SCLT1: variants seen among roughly 807,000 people sequenced by gnomAD.
SCLT1 encodes the protein sodium channel-associated protein 1.
A neutral mutation model predicts 112.8 loss-of-function variants in SCLT1; 78 were observed. The ratio of observed to expected loss-of-function variants is 0.69; its 90% CI spans 0.58 to 0.83. The LOEUF (loss-of-function observed/expected upper bound fraction) is 0.83, where lower values mean the gene tolerates loss of function less well. Among genes scored for constraint, SCLT1 ranks in the 40% least tolerant of loss-of-function variants. The probability of loss-of-function intolerance (pLI) is 0.00; values close to 1 mark genes in which losing one functional copy is unlikely to be tolerated. For synonymous variants in SCLT1, 257 were observed against 254.7 expected (o/e 1.01, Z -0.09); for missense variants, 747 against 770.4 (o/e 0.97, Z 0.36).
At chr4:129,077,489 C>A (rs954941753) in intron 2 of SCLT1, among the ~76,000 whole-genome samples, 3 of 152,068 alleles carry the variant, frequency 2.0e-5, no homozygotes, top group Non-Finnish European at 2.9e-5. Flanking sequence ...ATATTTGACA[C>A]ATAAGAGTTG....
intron 5 of SCLT1, among the ~76,000 whole-genome samples, chr4:129,029,458 AT>A (rs1391323050): frequency 6.7e-6 from 1 of 148,944 alleles, no homozygotes; most frequent in African/African-American, 2.5e-5. Context: ...GTTCTCACTC[AT>A]AGGTGGGAAT....
intron 9 of SCLT1, among the ~76,000 whole-genome samples, chr4:128,991,061 C>G (rs937968193): frequency 1.3e-5 from 2 of 151,522 alleles, no homozygotes; most frequent in Non-Finnish European, 3.0e-5. Context: ...ACATTCTTTA[C>G]AGAAATAGAA....
At chr4:128,879,360 C>A (rs187455101), downstream of SCLT1, among the ~76,000 whole-genome samples, 4 of 152,054 alleles carry the variant, frequency 2.6e-5, no homozygotes, top group East Asian at 5.8e-4. Context: ...GCCTCCTGAC[C>A]CAGATGAATT....
intron 17 of SCLT1, among the ~76,000 whole-genome samples, chr4:128,940,378 G>T (rs962534389): frequency 3.5e-4 from 53 of 151,398 alleles, no homozygotes; most frequent in Non-Finnish European, 6.0e-4. Context: ...ACAACTATAA[G>T]GTCCCTCTAT....
chr4:129,088,594 A>T lies in SCLT1; in HGVS notation c.34+4476T>A, dbSNP rs1752588456. On this transcript the variant is annotated intron_variant, in intron 1 of 20. Transcript: ENST00000281142. ...AAACTTTTTATTTTCAGATTACAAG[A>T]TTATCTACATAAAACTACTGACAGA... is the stretch of plus-strand genomic sequence containing the variant. Among the ~76,000 whole-genome samples the T allele has an allele frequency of 3.3e-5, 5 of 152,236 alleles. No homozygotes were observed. The South Asian group carries it at 1.0e-3, about 31-fold the overall frequency.
At chr4:129,092,198 G>A (rs1752894322) in intron 1 of SCLT1, among the ~76,000 whole-genome samples, 1 of 152,158 alleles carries the variant, frequency 6.6e-6, no homozygotes, top group Non-Finnish European at 1.5e-5. Flanking sequence ...GCACAGAGAA[G>A]ACAGGGCCCT....
intron 5 of SCLT1, among the ~76,000 whole-genome samples, chr4:129,032,134 C>A (rs1376015014): frequency 2.0e-5 from 3 of 152,048 alleles, no homozygotes; most frequent in Middle Eastern, 3.2e-3. Flanking sequence ...GGTATCAAAT[C>A]AGATATATAT....
chr4:128,930,418 A>C (rs774172142), intron 18 of SCLT1, among the ~76,000 whole-genome samples: 5 of 152,222 alleles, frequency 3.3e-5, no homozygotes, highest in Non-Finnish European at 5.9e-5. Flanking sequence ...ATTCACCCAG[A>C]TAAGCCACTT....
intron 1 of SCLT1, among the ~76,000 whole-genome samples, chr4:129,089,847 A>C (rs1398360562): frequency 6.9e-6 from 1 of 145,580 alleles, no homozygotes; most frequent in Non-Finnish European, 1.5e-5. Flanking sequence ...GGAACACCAC[A>C]CACCGGGGCC....
chr4:129,063,898 C>T lies in SCLT1; in HGVS notation c.102+18408G>A, dbSNP rs72926029. Among the ~76,000 whole-genome samples, 732 of 152,320 alleles carry T rather than the reference C, an allele frequency of 4.8e-3. 4 individuals carry two copies. Among genetic ancestry groups the T allele is most frequent in the African/African-American group, 0.016 (665 of 41,572 alleles). Reference sequence around the variant, plus strand: ...GCTTACTCACTATGCTCTCACTTCCCTCTGTGGGAAGAATCACAGGTTGAG... The same window carrying T: ...GCTTACTCACTATGCTCTCACTTCCTTCTGTGGGAAGAATCACAGGTTGAG... On this transcript the variant is annotated intron_variant, in intron 2 of 20. Transcript: ENST00000281142.
chr4:128,917,129 T>G (rs1735540741), intron 18 of SCLT1, among the ~76,000 whole-genome samples: 1 of 152,006 alleles, frequency 6.6e-6, no homozygotes, highest in South Asian at 2.1e-4. Flanking sequence ...AAAACCACAA[T>G]AAAATGTGTG....
intron 2 of SCLT1, among the ~76,000 whole-genome samples, chr4:129,078,792 A>G (rs1751682939): frequency 6.6e-6 from 1 of 152,206 alleles, no homozygotes; most frequent in South Asian, 2.1e-4. Flanking sequence ...GCATTAGTCC[A>G]TTCTTGCACT....
chr4:128,987,317 C>A (rs528641258), intron 9 of SCLT1, among the ~76,000 whole-genome samples: 3 of 152,190 alleles, frequency 2.0e-5, no homozygotes, highest in African/African-American at 7.2e-5. Flanking sequence ...CGAAGAACAT[C>A]CAGAAAAACA....
chr4:128,986,927 A>G (rs1255797234), intron 9 of SCLT1, among the ~76,000 whole-genome samples: 2 of 152,074 alleles, frequency 1.3e-5, no homozygotes, highest in East Asian at 3.9e-4. Flanking sequence ...CCTCTCCCCA[A>G]CTCCAGACAG....
intron 2 of SCLT1, among the ~76,000 whole-genome samples, chr4:129,048,459 A>G (rs1748411790): frequency 1.3e-5 from 2 of 149,552 alleles, no homozygotes; most frequent in South Asian, 2.2e-4. Context: ...CCTTCCTTAC[A>G]CCTTATACAA....
At chr4:129,029,298 C>G (rs1171187630) in intron 5 of SCLT1, among the ~76,000 whole-genome samples, 2 of 151,946 alleles carry the variant, frequency 1.3e-5, no homozygotes, top group African/African-American at 4.8e-5. Flanking sequence ...CAATGATAGA[C>G]TGGATTAAGA....
At chr4:128,996,995 A>T (rs903730114) in intron 8 of SCLT1, among the ~76,000 whole-genome samples, 3 of 152,058 alleles carry the variant, frequency 2.0e-5, no homozygotes, top group Non-Finnish European at 2.9e-5. Context: ...ATATTAAATT[A>T]AAAAATGCCT....
At chr4:129,046,646 T>G (rs919819890) in intron 2 of SCLT1, among the ~76,000 whole-genome samples, 1 of 152,132 alleles carries the variant, frequency 6.6e-6, no homozygotes, top group African/African-American at 2.4e-5. Context: ...CAAACATTCT[T>G]GAAAAAGTCT....
intron 5 of SCLT1, among the ~76,000 whole-genome samples, chr4:129,034,592 G>C (rs1747020371): frequency 7.0e-6 from 1 of 142,884 alleles, no homozygotes; most frequent in African/African-American, 2.6e-5. Flanking sequence ...ATATATATAT[G>C]CCTAAATAAA....
Sources: gnomAD v4.1 joint callset for allele counts (sites outside exome capture counted in the v4.1 genomes callset) on GRCh38, gnomAD v4.1.1 for gene constraint, MANE v1.5 for transcripts, NCBI Gene and HGNC (gene_info 2026-07-23, HGNC 2026-07-21) for gene names.